AAMDC: variants seen among roughly 807,000 people sequenced by gnomAD.
AAMDC encodes the protein mth938 domain-containing protein.
Under a neutral mutation model 15.5 loss-of-function variants are expected in AAMDC, and 16 were observed. That is an observed-to-expected ratio of 1.03 (90% CI 0.70 to 1.57). The LOEUF is 1.57. Ranked by LOEUF, AAMDC falls within the 40% of genes most tolerant of loss-of-function variation. The pLI is 0.00. For missense variants in AAMDC, 141 were observed against 144.9 expected, an observed-to-expected ratio of 0.97 and a Z score of 0.14; for synonymous variants, 51 against 51.6, an observed-to-expected ratio of 0.99 and a Z score of 0.05.
chr11:77,877,411 T>C (rs1951629003), intron 5 of AAMDC, among the ~76,000 whole-genome samples: 1 of 152,224 alleles, frequency 6.6e-6, no homozygotes, highest in African/African-American at 2.4e-5. Context: ...GTGTCAAATA[T>C]GATCAAGACT....
intron 2 of AAMDC, among the ~76,000 whole-genome samples, chr11:77,851,822 A>G (rs1245946176): frequency 6.6e-6 from 1 of 152,152 alleles, no homozygotes; most frequent in African/African-American, 2.4e-5. Context: ...CTGTGAAGCA[A>G]TTAAACCTCT....
chr11:77,897,440 AAATT>A (rs1185849429), intron 5 of AAMDC, among the ~76,000 whole-genome samples: 3 of 151,670 alleles, frequency 2.0e-5, no homozygotes, highest in East Asian at 1.9e-4. Context: ...ATAAACATAA[AAATT>A]AATAGAAGCT....
chr11:77,854,107 C>T (rs1274498633), intron 2 of AAMDC, among the ~76,000 whole-genome samples: 2 of 151,304 alleles, frequency 1.3e-5, no homozygotes, highest in East Asian at 2.0e-4. Context: ...TCTCCTGCCT[C>T]AGCCTCCTGA....
intron 3 of AAMDC, among the ~76,000 whole-genome samples, chr11:77,870,882 T>C (rs965428087): frequency 2.0e-5 from 3 of 152,308 alleles, no homozygotes; most frequent in East Asian, 1.9e-4. Flanking sequence ...TATAACTTTT[T>C]CCCCCACTTA....
At chr11:77,885,718 C>T (rs1368378529) in intron 5 of AAMDC, among the ~76,000 whole-genome samples, 1 of 151,712 alleles carries the variant, frequency 6.6e-6, no homozygotes, top group Non-Finnish European at 1.5e-5. Flanking sequence ...ACTTGGGAGG[C>T]TGAAGCAGGA....
chr11:77,855,342 CAG>C (rs1164056614), intron 2 of AAMDC: 2 of 152,268 alleles, frequency 1.3e-5, no homozygotes, highest in Admixed American at 6.5e-5. Flanking sequence ...TGTTTTGAGA[CAG>C]AGTCTCACTC....
chr11:77,871,008 T>C (rs928917437), intron 3 of AAMDC, among the ~76,000 whole-genome samples: 5 of 152,136 alleles, frequency 3.3e-5, no homozygotes, highest in Non-Finnish European at 5.9e-5. Flanking sequence ...TAGGGCTTTA[T>C]ATATATAGGG....
chr11:77,825,678 T>C (rs1007273049), intron 1 of AAMDC, among the ~76,000 whole-genome samples: 4 of 151,996 alleles, frequency 2.6e-5, no homozygotes, highest in Middle Eastern at 3.4e-3. Flanking sequence ...TTTAGAAGTG[T>C]CTTACTACCC....
chr11:77,869,889 C>A, intron 3 of AAMDC, 72 bp downstream of exon 3: 1 of 1,449,810 alleles, frequency 6.9e-7, no homozygotes, highest in Non-Finnish European at 9.6e-7. Context: ...ACAGACTTGT[C>A]CTTCTTGGGA....
At chr11:77,904,474 A>G (rs1355356990), downstream of AAMDC, among the ~76,000 whole-genome samples, 1 of 152,198 alleles carries the variant, frequency 6.6e-6, no homozygotes, top group Non-Finnish European at 1.5e-5. Flanking sequence ...TTAAATTATT[A>G]ATTAGTTTAC....
intron 2 of AAMDC, among the ~76,000 whole-genome samples, chr11:77,852,163 CAGG>C: frequency 7.9e-6 from 1 of 126,430 alleles, no homozygotes; most frequent in Non-Finnish European, 1.6e-5. Flanking sequence ...CACTTGTGCC[CAGG>C]AGGTCAAGGC....
downstream of AAMDC, among the ~76,000 whole-genome samples, chr11:77,904,018 T>C (rs1489963530): frequency 6.6e-6 from 1 of 152,196 alleles, no homozygotes; most frequent in Non-Finnish European, 1.5e-5. Context: ...TTTTTTCTTT[T>C]CCCCTATGCT....
intron 5 of AAMDC, among the ~76,000 whole-genome samples, chr11:77,893,891 T>TTAAATAAAGAAA (rs1952389893): frequency 7.3e-6 from 1 of 137,868 alleles, no homozygotes; most frequent in African/African-American, 2.7e-5. Context: ...AGACTCTGTC[T>TTAAATAAAGAAA]TAAATAAATA....
chr11:77,896,908 G>A (rs1006347586), intron 5 of AAMDC, among the ~76,000 whole-genome samples: 1 of 151,302 alleles, frequency 6.6e-6, no homozygotes, highest in Admixed American at 6.6e-5. Flanking sequence ...ACATATCCTG[G>A]TGAAATTAAA....
At chr11:77,821,649 T>G (rs956928533) in intron 1 of AAMDC, among the ~76,000 whole-genome samples, 1 of 151,610 alleles carries the variant, frequency 6.6e-6, no homozygotes, top group Non-Finnish European at 1.5e-5. Flanking sequence ...GGGCTGGGAC[T>G]CCATTGAGAG....
chr11:77,864,363 C>T (rs760265032), intron 2 of AAMDC, among the ~76,000 whole-genome samples: 36 of 151,508 alleles, frequency 2.4e-4, no homozygotes, highest in Non-Finnish European at 4.4e-4. Flanking sequence ...TCGCTTGAAC[C>T]CGGGAGTCGG....
intron 3 of AAMDC, chr11:77,870,175 T>C: frequency 6.6e-6 from 1 of 151,578 alleles, no homozygotes; most frequent in East Asian, 1.9e-4. Context: ...CAGAAAAAAA[T>C]TTAATTTAAT....
At chr11:77,900,338 A>G (rs550069990) in intron 5 of AAMDC, among the ~76,000 whole-genome samples, 119 of 151,870 alleles carry the variant, frequency 7.8e-4, no homozygotes, top group African/African-American at 2.7e-3. Context: ...TGACCTCGTG[A>G]TCTGCCCACC....
chr11:77,869,565 C>A, intron 2 of AAMDC, 157 bp from the exon 3 acceptor site: 1 of 616,792 alleles, frequency 1.6e-6, no homozygotes, highest in Non-Finnish European at 2.8e-6. Flanking sequence ...GATCCTGCCT[C>A]GTCAGCCTTC....
Sources: gnomAD v4.1 joint callset for allele counts (sites outside exome capture counted in the v4.1 genomes callset) on GRCh38, gnomAD v4.1.1 for gene constraint, MANE v1.5 for transcripts, NCBI Gene and HGNC (gene_info 2026-07-23, HGNC 2026-07-21) for gene names.